TMEM138: variants seen among roughly 807,000 people sequenced by gnomAD.
TMEM138 encodes the protein transmembrane protein 138.
A neutral mutation model predicts 18.1 loss-of-function variants in TMEM138; 9 were observed. That is an observed-to-expected ratio of 0.50 (90% confidence interval 0.30 to 0.87). TMEM138 has a LOEUF of 0.87. Among genes scored for constraint, TMEM138 ranks in the 40% least tolerant of loss-of-function variants. TMEM138 has a pLI of 0.06. For synonymous variants in TMEM138, 79 were observed against 74.8 expected (o/e 1.06, Z -0.29); for missense variants, 189 against 190.6 (o/e 0.99, Z 0.05).
At chr11:61,371,249 G>T (rs1333780012), downstream of TMEM138, among the ~76,000 whole-genome samples, 1 of 152,042 alleles carries the variant, frequency 6.6e-6, no homozygotes, top group Admixed American at 6.6e-5. Flanking sequence ...TGGCCAGGAT[G>T]GTCTCGATCT....
At chr11:61,372,846 A>C (rs1858380665), downstream of TMEM138, among the ~76,000 whole-genome samples, 1 of 152,090 alleles carries the variant, frequency 6.6e-6, no homozygotes, top group Admixed American at 6.5e-5. Flanking sequence ...GCATTTCATT[A>C]ACAGTCTGTG....
At position 61,364,617 on chromosome 11, in the gene TMEM138, G is replaced by A. The variant is rs561727539; in HGVS notation, c.128+99G>A. Reference sequence around the variant, plus strand: ...TTAAAGTTATTAGTAGGCTGGGTACGGTGGCTCACACCCATAATCCCAGGA... The same window carrying A: ...TTAAAGTTATTAGTAGGCTGGGTACAGTGGCTCACACCCATAATCCCAGGA... On this transcript the variant is annotated intron_variant, in intron 2 of 4. Transcript: ENST00000278826. 200 of 1,513,184 alleles carry A rather than the reference G, an allele frequency of 1.3e-4. No homozygotes were observed. In the African/African-American group the frequency reaches 2.1e-3, roughly 16 times the overall value. 93.7% of individuals were successfully genotyped at this position (1,513,184 alleles called of 1,614,324 possible). A position where few individuals can be genotyped will look rare whatever the true frequency, so the allele number is the denominator to read the frequency against.
downstream of TMEM138, among the ~76,000 whole-genome samples, chr11:61,371,939 G>A (rs1338280946): frequency 6.6e-6 from 1 of 152,146 alleles, no homozygotes; most frequent in Non-Finnish European, 1.5e-5. Flanking sequence ...CACTTTGGGA[G>A]GTCGAGGTGG....
At chr11:61,372,088 A>G (rs1858356263), downstream of TMEM138, among the ~76,000 whole-genome samples, 1 of 151,802 alleles carries the variant, frequency 6.6e-6, no homozygotes, top group African/African-American at 2.4e-5. Context: ...AGGCAGGAGA[A>G]TTGCTTGAAC....
chr11:61,367,687 G>T, intron 3 of TMEM138: 2 of 485,508 alleles, frequency 4.1e-6, no homozygotes, highest in Non-Finnish European at 7.5e-6. Context: ...AAAGGTTATG[G>T]AATTAAAGAG....
intron 2 of TMEM138, among the ~76,000 whole-genome samples, chr11:61,365,315 C>T (rs1234617940): frequency 1.3e-5 from 2 of 151,282 alleles, no homozygotes; most frequent in East Asian, 1.9e-4. Flanking sequence ...GGCTGGAGTA[C>T]AGTGGCACAA....
chr11:61,365,948 A>G lies in TMEM138; in HGVS notation c.129-97A>G, dbSNP rs997728235. 7.6e-6 allele frequency: 11 copies of G among 1,443,470 alleles called. No homozygotes were observed. In the Admixed American group the frequency reaches 2.5e-4, roughly 33 times the overall value. The allele number at this position is 1,443,470 out of a possible 1,614,324, so 89.4% of individuals were successfully genotyped here. The stretch of plus-strand genomic sequence containing the variant: ...TAAGATGTCAGATGCCTATCTCACA[A>G]CAAAGGACAGGCCTCGTGGTGTCCC... On this transcript the variant is annotated intron_variant, in intron 2 of 4. Coordinates refer to ENST00000278826, the MANE Select transcript of TMEM138 (RefSeq NM_016464.5).
downstream of TMEM138, among the ~76,000 whole-genome samples, chr11:61,376,685 A>G (rs1590634742): frequency 6.6e-6 from 1 of 152,196 alleles, no homozygotes; most frequent in Non-Finnish European, 1.5e-5. Context: ...TATGGACTTC[A>G]GAGTAATGTG....
At chr11:61,368,373 C>A in intron 4 of TMEM138, 1 of 514,732 alleles carries the variant, frequency 1.9e-6, no homozygotes, top group African/African-American at 1.9e-5. Flanking sequence ...CTACAGGCGC[C>A]CGCCACCACG....
In TMEM138 at chr11:61,368,842, A is replaced by G. The variant is rs1858257679; in HGVS notation, c.*133A>G. On this transcript the variant is annotated 3_prime_UTR_variant, in exon 5 of 5. Coordinates refer to ENST00000278826, the MANE Select transcript of TMEM138 (RefSeq NM_016464.5). ...AAGGTTCAGACTAGCTGTGTTCAGC[A>G]TTCAAGAAGGAAGATCCTCCCTCTT... is the stretch of plus-strand genomic sequence containing the variant. 1 of 683,546 alleles carries G rather than the reference A, an allele frequency of 1.5e-6. No individual in the cohort carries two copies. Among genetic ancestry groups the G allele is most frequent in the Non-Finnish European group, 2.6e-6 (1 of 385,164 alleles). 42.3% of individuals were successfully genotyped at this position (683,546 alleles called of 1,614,324 possible).
chr11:61,369,433 C>T lies in TMEM138; in HGVS notation c.*724C>T, dbSNP rs1858276815. On this transcript the variant is annotated 3_prime_UTR_variant, in exon 5 of 5. Coordinates refer to ENST00000278826, the MANE Select transcript of TMEM138 (RefSeq NM_016464.5). ...TCCAGATGTGTGTGCTCTGTTCAGA[C>T]TCTCTTTCCTTATCAGAAGCCTTAA... is the stretch of plus-strand genomic sequence containing the variant. 1 of 152,378 alleles carries T rather than the reference C, an allele frequency of 6.6e-6. No homozygotes were observed. The highest frequency in any genetic ancestry group is 2.4e-5 in the African/African-American group (1 of 41,584). 9.4% of individuals were successfully genotyped at this position (152,378 alleles called of 1,614,324 possible). A position where few individuals can be genotyped will look rare whatever the true frequency, so the allele number is the denominator to read the frequency against.
At chr11:61,368,264 G>C (rs1051050010) in intron 4 of TMEM138, 17 of 572,342 alleles carry the variant, frequency 3.0e-5, no homozygotes, top group Non-Finnish European at 4.2e-5. Flanking sequence ...TTGCTCTGTC[G>C]CCCAGGCTGG....
chr11:61,371,186 C>T (rs561845137), downstream of TMEM138, among the ~76,000 whole-genome samples: 27 of 152,232 alleles, frequency 1.8e-4, no homozygotes, highest in African/African-American at 3.4e-4. Context: ...AGGCACGTGC[C>T]GCCACGCCCA....
Position 61,366,083 on chromosome 11 carries a change from T to C in TMEM138, c.167T>C (p.Ile56Thr). ...GCAGTCCTCTTCAACATCATCATCA[T>C]TTTCCTCATGTTCTTCAACACCTTC... ...DIAVLFNIII[I>T]FLMFFNTFVF... The change falls in exon 3 of 5, where the codon ATT becomes ACT. Residue 56 changes from isoleucine to threonine, a missense_variant. Physicochemically the swap from Ile to Thr is moderately conservative, Grantham distance 89 (BLOSUM62 -1). Coordinates refer to ENST00000278826, the MANE Select transcript of TMEM138 (RefSeq NM_016464.5). 6.2e-7 allele frequency: 1 copy of C among 1,613,948 alleles called. No individual in the cohort carries two copies. Among genetic ancestry groups the C allele is most frequent in the Non-Finnish European group, 8.5e-7 (1 of 1,179,944 alleles).
intron 3 of TMEM138, chr11:61,367,675 G>T (rs1858201120): frequency 9.1e-6 from 4 of 441,034 alleles, no homozygotes; most frequent in Non-Finnish European, 1.7e-5. Flanking sequence ...TTTCTCCTTG[G>T]CAAAGGTTAT....
At chr11:61,373,510 CTT>C (rs556189963), downstream of TMEM138, among the ~76,000 whole-genome samples, 5 of 142,044 alleles carry the variant, frequency 3.5e-5, no homozygotes, top group African/African-American at 2.6e-5. Flanking sequence ...AGGTTTTTAC[CTT>C]TTTTTTTTTT....
chr11:61,370,348 G>T (rs1309462604), downstream of TMEM138, among the ~76,000 whole-genome samples: 1 of 152,228 alleles, frequency 6.6e-6, no homozygotes, highest in East Asian at 1.9e-4. Flanking sequence ...CCTAAGGCCA[G>T]TTCCTGGAAT....
chr11:61,368,508 G>T (rs1858235850), intron 4 of TMEM138, 89 bp from the exon 5 acceptor site: 1 of 844,592 alleles, frequency 1.2e-6, no homozygotes, highest in African/African-American at 1.7e-5. Flanking sequence ...TTACAGGCGT[G>T]AGCCACCACG....
chr11:61,367,838 A>G, intron 3 of TMEM138, 85 bp from the exon 4 acceptor site: 1 of 818,808 alleles, frequency 1.2e-6, no homozygotes, highest in Non-Finnish European at 2.1e-6. Flanking sequence ...ATTTTAAAGC[A>G]ACTGGCATCT....
Sources: gnomAD v4.1 joint callset for allele counts (sites outside exome capture counted in the v4.1 genomes callset) on GRCh38, gnomAD v4.1.1 for gene constraint, MANE v1.5 for transcripts, NCBI Gene and HGNC (gene_info 2026-07-23, HGNC 2026-07-21) for gene names.